Variants in ZHX2 observed in about 807,000 individuals in gnomAD.
ZHX2 encodes the protein zinc fingers and homeoboxes protein 2.
Under a neutral mutation model 21.9 loss-of-function variants are expected in ZHX2, and 6 were observed. That is an observed-to-expected ratio of 0.27 (90% confidence interval 0.15 to 0.54). ZHX2 has a LOEUF of 0.54. Among genes scored for constraint, ZHX2 ranks in the 20% least tolerant of loss-of-function variants. The probability of loss-of-function intolerance (pLI) is 0.95; values close to 1 mark genes in which losing one functional copy is unlikely to be tolerated. For missense variants in ZHX2, 908 were observed against 1,090.7 expected, an observed-to-expected ratio of 0.83 and a Z score of 2.36; for synonymous variants, 434 against 437.1, an observed-to-expected ratio of 0.99 and a Z score of 0.09.
At chr8:122,806,550 T>G (rs1024307409) in intron 1 of ZHX2, among the ~76,000 whole-genome samples, 1 of 151,844 alleles carries the variant, frequency 6.6e-6, no homozygotes, top group Non-Finnish European at 1.5e-5. Flanking sequence ...AAGGACTGAG[T>G]AAATGGAGGG....
At chr8:122,794,712 C>G (rs1817586499) in intron 1 of ZHX2, among the ~76,000 whole-genome samples, 1 of 152,144 alleles carries the variant, frequency 6.6e-6, no homozygotes, top group Non-Finnish European at 1.5e-5. Flanking sequence ...ATGTTTTGCT[C>G]TAAAGCCTTC....
At chr8:122,790,661 G>T (rs1423865263) in intron 1 of ZHX2, among the ~76,000 whole-genome samples, 1 of 152,192 alleles carries the variant, frequency 6.6e-6, no homozygotes. Flanking sequence ...AGGCTGGAGT[G>T]CAATGGCGTG....
chr8:122,926,496 A>G (rs1820856930), intron 2 of ZHX2, among the ~76,000 whole-genome samples: 1 of 152,244 alleles, frequency 6.6e-6, no homozygotes, highest in African/African-American at 2.4e-5. Flanking sequence ...CAGCCGCTTC[A>G]GGACGATGGG....
chr8:122,893,230 A>G (rs1285536640), intron 2 of ZHX2, among the ~76,000 whole-genome samples: 11 of 151,924 alleles, frequency 7.2e-5, no homozygotes, highest in Admixed American at 7.2e-4. Context: ...CTTATATGTG[A>G]GTTGATGCTT....
intron 2 of ZHX2, among the ~76,000 whole-genome samples, chr8:122,872,300 G>C (rs927630847): frequency 6.6e-6 from 1 of 152,204 alleles, no homozygotes; most frequent in Non-Finnish European, 1.5e-5. Flanking sequence ...AGTTCACAGA[G>C]CTACAACTGC....
intron 3 of ZHX2, among the ~76,000 whole-genome samples, chr8:122,966,999 TTG>T (rs1813600423): frequency 6.6e-6 from 1 of 152,220 alleles, no homozygotes. Context: ...TTTCCAGAAG[TTG>T]TGACTGTCTT....
At chr8:122,885,218 G>A (rs919335653) in intron 2 of ZHX2, among the ~76,000 whole-genome samples, 17 of 152,210 alleles carry the variant, frequency 1.1e-4, no homozygotes, top group African/African-American at 3.9e-4. Context: ...TCTGGCTCAT[G>A]GAAGTCACTG....
rs750054787 is a variant in ZHX2 at position 122,953,375 on chromosome 8, T to G, written c.1865T>G (p.Leu622Ter). The G allele has an allele frequency of 6.2e-7, 1 of 1,614,130 alleles. No individual in the cohort carries two copies. The highest frequency in any genetic ancestry group is 1.1e-5 in the South Asian group (1 of 91,078). ...CTCGACCAGCTCTCCGGTGCCCAGTTAACAAGTTCTCTGCCCAGCCCTTCG... is the reference window on the plus strand; with the variant it reads ...CTCGACCAGCTCTCCGGTGCCCAGTGAACAAGTTCTCTGCCCAGCCCTTCG... ...SRLDQLSGAQ[L>*]TSSLPSPSPA... Residue 622 changes from leucine (L) to a stop codon, truncating the protein, a stop_gained, in exon 3 of 4, where the codon TTA becomes TGA. Transcript: ENST00000314393. LOFTEE classifies it low-confidence loss of function (END_TRUNC). This position sits in a 1 kb window ranked among gnomAD's most constrained non-coding sequence, Gnocchi z 4.6.
chr8:122,909,618 C>G (rs1820430003), intron 2 of ZHX2, among the ~76,000 whole-genome samples: 1 of 152,070 alleles, frequency 6.6e-6, no homozygotes, highest in Non-Finnish European at 1.5e-5. Flanking sequence ...CCCCCACAAC[C>G]TGTTCCTCCT....
chr8:122,932,584 C>T (rs781776413), intron 2 of ZHX2, among the ~76,000 whole-genome samples: 16 of 152,288 alleles, frequency 1.1e-4, no homozygotes, highest in Middle Eastern at 3.4e-3. Flanking sequence ...GAGCTGAGAT[C>T]GCGCCATTGT....
At chr8:122,835,262 AC>A (rs1271692579) in intron 1 of ZHX2, among the ~76,000 whole-genome samples, 2 of 152,238 alleles carry the variant, frequency 1.3e-5, no homozygotes, top group South Asian at 2.1e-4. Flanking sequence ...GTATTCTAGC[AC>A]CGGCGCTGAA....
chr8:122,781,804 CCT>C lies in ZHX2; in HGVS notation c.-422_-421del, dbSNP rs1220015583. On this transcript the variant is annotated 5_prime_UTR_variant, in exon 1 of 4. Coordinates refer to ENST00000314393, the MANE Select transcript of ZHX2 (RefSeq NM_014943.5). The surrounding 1 kb of genome is among the most constrained non-coding windows in gnomAD (Gnocchi z 4.6). ...GTCTGGCTGGCAGGCTGGCTTTCCCCCTCTTTCCCACGGAGCCCGAGCCGGGC... is the reference window on the plus strand; with the variant it reads ...GTCTGGCTGGCAGGCTGGCTTTCCCCCTTTCCCACGGAGCCCGAGCCGGGC... The C allele has an allele frequency of 2.6e-5, 4 of 152,304 alleles. No individual in the cohort carries two copies. The allele number at this position is 152,304 out of a possible 1,614,324, so 9.4% of individuals were successfully genotyped here.
At chr8:122,894,646 T>C (rs547165254) in intron 2 of ZHX2, among the ~76,000 whole-genome samples, 10 of 152,234 alleles carry the variant, frequency 6.6e-5, no homozygotes, top group Admixed American at 3.9e-4. Context: ...GAGCCTGTTA[T>C]GGGGTGCGGG....
chr8:122,800,493 G>A (rs927353615), intron 1 of ZHX2, among the ~76,000 whole-genome samples: 3 of 152,148 alleles, frequency 2.0e-5, no homozygotes, highest in Admixed American at 1.3e-4. Flanking sequence ...GAGCTGTAGC[G>A]GCCACCCCTT....
intron 1 of ZHX2, among the ~76,000 whole-genome samples, chr8:122,839,196 G>C (rs1019821677): frequency 2.0e-5 from 3 of 151,390 alleles, no homozygotes; most frequent in Admixed American, 2.0e-4. Flanking sequence ...GCTCTCTGTG[G>C]GCCCATCCGC....
At chr8:122,874,470 A>G (rs964681586) in intron 2 of ZHX2, among the ~76,000 whole-genome samples, 1 of 151,800 alleles carries the variant, frequency 6.6e-6, no homozygotes, top group African/African-American at 2.4e-5. Flanking sequence ...AGTAACTGGG[A>G]TTACAGGCAT....
chr8:122,881,810 G>T (rs534742021), intron 2 of ZHX2, among the ~76,000 whole-genome samples: 1 of 152,240 alleles, frequency 6.6e-6, no homozygotes, highest in African/African-American at 2.4e-5. Context: ...TTTCTGAGAA[G>T]GGGCTTCTGT....
At chr8:122,876,572 C>T (rs56083957) in intron 2 of ZHX2, among the ~76,000 whole-genome samples, 1,640 of 152,258 alleles carry the variant, frequency 0.011, 30 homozygotes, top group African/African-American at 0.037. Flanking sequence ...TGGGAGCCAA[C>T]GTGATGCCAG....
At chr8:122,864,309 G>C (rs532030078) in intron 2 of ZHX2, among the ~76,000 whole-genome samples, 1 of 151,870 alleles carries the variant, frequency 6.6e-6, no homozygotes, top group Non-Finnish European at 1.5e-5. Flanking sequence ...TTTAGGTGCA[G>C]GTTCTCCTGT....
Sources: gnomAD v4.1 joint callset for allele counts (sites outside exome capture counted in the v4.1 genomes callset) on GRCh38, gnomAD v4.1.1 for gene constraint, Gnocchi (gnomAD v3.1) non-coding constraint, MANE v1.5 for transcripts, NCBI Gene and HGNC (gene_info 2026-07-23, HGNC 2026-07-21) for gene names.